Variants in DNAJC13 observed in about 807,000 individuals in gnomAD.
DNAJC13 encodes DnaJ heat shock protein family (Hsp40) member C13.
Under a neutral mutation model 290.5 loss-of-function variants are expected in DNAJC13, and 75 were observed. The ratio of observed to expected loss-of-function variants is 0.26; its 90% CI spans 0.21 to 0.31. The LOEUF is 0.31. DNAJC13 is among the 10% of genes least tolerant of loss of function. DNAJC13 has a pLI of 1.00. For synonymous variants in DNAJC13, 862 were observed against 892.0 expected (o/e 0.97, Z 0.60); for missense variants, 2,260 against 2,674.5 (o/e 0.85, Z 3.42).
rs1207775294 is a variant in DNAJC13 at position 132,480,441 on chromosome 3, C to T, written c.2845C>T (p.His949Tyr). 6.2e-7 allele frequency: 1 copy of T among 1,613,038 alleles called. No individual in the cohort carries two copies. Among genetic ancestry groups the T allele is most frequent in the Admixed American group, 1.7e-5 (1 of 59,978 alleles). ...GGACTTGCTTACCCTTGCACATCTC[C>T]ATGTAAGCCGAGCTACAGTACCACT... ...LVDLLTLAHL[H>Y]VSRATVPLQS... Residue 949 changes from histidine to tyrosine, a missense_variant, in exon 26 of 56, where the codon CAT becomes TAT. By Grantham distance (83) the His-to-Tyr change is moderately conservative. Around this residue, in one of 3 missense-constraint regions of DNAJC13, gnomAD observed 1,494 missense variants for 1,693.7 expected, o/e 0.88. Transcript: ENST00000260818.
intron 31 of DNAJC13, among the ~76,000 whole-genome samples, chr3:132,489,451 A>G (rs1934993957): frequency 6.6e-6 from 1 of 151,972 alleles, no homozygotes; most frequent in Admixed American, 6.6e-5. Context: ...TCCATGTTTC[A>G]TATGCTTTCA....
At chr3:132,429,671 A>G (rs565588836) in intron 1 of DNAJC13, among the ~76,000 whole-genome samples, 2 of 152,290 alleles carry the variant, frequency 1.3e-5, no homozygotes, top group African/African-American at 4.8e-5. Context: ...GAAAAGCATT[A>G]TCCTGATTTC....
chr3:132,526,624 TA>T (rs1228458533), intron 53 of DNAJC13, among the ~76,000 whole-genome samples: 3 of 152,222 alleles, frequency 2.0e-5, no homozygotes, highest in Admixed American at 2.0e-4. Context: ...GTAGCTTGTT[TA>T]GCTTGATTTG....
intron 20 of DNAJC13, among the ~76,000 whole-genome samples, chr3:132,467,771 T>C (rs1306388741): frequency 6.6e-6 from 1 of 152,180 alleles, no homozygotes; most frequent in Non-Finnish European, 1.5e-5. Context: ...GGCCGAATGG[T>C]ACCTAATTTC....
chr3:132,515,442 T>A (rs559774040), intron 46 of DNAJC13, among the ~76,000 whole-genome samples: 3 of 149,568 alleles, frequency 2.0e-5, no homozygotes, highest in Admixed American at 6.7e-5. Context: ...TCCATGGAAA[T>A]TTTTTTTTTT....
chr3:132,514,419 TA>T (rs952572253), intron 45 of DNAJC13, 151 bp from the exon 46 acceptor site: 2 of 568,742 alleles, frequency 3.5e-6, no homozygotes, highest in Non-Finnish European at 6.1e-6. Context: ...AAGAGATTAA[TA>T]AAGGCAATCT....
At position 132,456,529 on chromosome 3, in the gene DNAJC13, G is replaced by T. The variant is rs1933603854; in HGVS notation, c.1128G>T (p.Arg376Ser). The T allele has an allele frequency of 6.2e-6, 10 of 1,613,886 alleles. No homozygotes were observed. The highest frequency in any genetic ancestry group is 8.5e-6 in the Non-Finnish European group (10 of 1,179,916). Reference sequence around the variant, plus strand: ...GCAACTTTGCAGATGCTGTATTCAGGTTCAATGCTAATATTTCATACAGTG... The same window carrying T: ...GCAACTTTGCAGATGCTGTATTCAGTTTCAATGCTAATATTTCATACAGTG... ...PNGNFADAVF[R>S]FNANISYSGV... is the part of the protein sequence containing the mutation. Residue 376 changes from arginine (R) to serine (S), a missense_variant, in exon 11 of 56, where the codon AGG becomes AGT. Transcript: ENST00000260818.
chr3:132,491,396 G>T (rs772931223), intron 32 of DNAJC13, among the ~76,000 whole-genome samples: 7 of 152,074 alleles, frequency 4.6e-5, no homozygotes, highest in Non-Finnish European at 7.4e-5. Context: ...ACATACCTCT[G>T]GGTATCTGGA....
At chr3:132,501,285 GA>G (rs1935401483) in intron 39 of DNAJC13, among the ~76,000 whole-genome samples, 1 of 152,156 alleles carries the variant, frequency 6.6e-6, no homozygotes, top group Non-Finnish European at 1.5e-5. Context: ...CAGATCACTT[GA>G]GGTCAGGAGT....
intron 4 of DNAJC13, 70 bp from the exon 5 acceptor site, chr3:132,447,828 T>C: frequency 3.2e-6 from 4 of 1,235,994 alleles, no homozygotes; most frequent in Non-Finnish European, 4.7e-6. Context: ...TTGCTTTGAG[T>C]AGAAGGGAGT....
intron 15 of DNAJC13, 124 bp from the exon 16 acceptor site, chr3:132,462,343 C>T (rs1375881362): frequency 3.6e-6 from 3 of 827,096 alleles, no homozygotes; most frequent in Admixed American, 5.4e-5. Context: ...TGAGATGTAT[C>T]CTTTACTAAT....
chr3:132,473,970 C>T (rs1934374574), intron 21 of DNAJC13, among the ~76,000 whole-genome samples: 1 of 152,148 alleles, frequency 6.6e-6, no homozygotes, highest in South Asian at 2.1e-4. Flanking sequence ...GGATTGCAGA[C>T]TTGAAAGTAA....
chr3:132,433,942 T>G (rs905513058), intron 1 of DNAJC13, among the ~76,000 whole-genome samples: 2 of 152,090 alleles, frequency 1.3e-5, no homozygotes, highest in South Asian at 2.1e-4. Flanking sequence ...GACCGGGCGC[T>G]GTGGCTCACG....
chr3:132,458,278 A>T (rs1476923666), intron 13 of DNAJC13: 1 of 152,188 alleles, frequency 6.6e-6, no homozygotes, highest in East Asian at 1.9e-4. Flanking sequence ...ACTTTTCCTT[A>T]TATAAAGTGT....
intron 43 of DNAJC13, among the ~76,000 whole-genome samples, chr3:132,510,004 G>A (rs1935723647): frequency 1.3e-5 from 2 of 152,162 alleles, no homozygotes; most frequent in Middle Eastern, 3.2e-3. Context: ...CTGACAGCTT[G>A]TGAGCCTCTT....
intron 6 of DNAJC13, among the ~76,000 whole-genome samples, chr3:132,452,237 A>C (rs1374446135): frequency 6.6e-6 from 1 of 152,224 alleles, no homozygotes; most frequent in African/African-American, 2.4e-5. Context: ...ATTTTGTATT[A>C]CTTGGGGGCA....
chr3:132,506,541 C>CTTTTTTTTTTTTTTTGTTTTTTTTTT (rs1935597283), intron 42 of DNAJC13, among the ~76,000 whole-genome samples: 1 of 54,756 alleles, frequency 1.8e-5, no homozygotes. Context: ...CAGTGTATTA[C>CTTTTTTTTTTTTTTTGTTTTTTTTTT]TTTTTTTTTT....
Position 132,456,955 on chromosome 3 carries a change from A to T in DNAJC13, c.1349+123A>T, listed in dbSNP as rs1012041289. The T allele has an allele frequency of 4.5e-6, 5 of 1,099,202 alleles. No individual in the cohort carries two copies. The Admixed American group carries it at 1.1e-4, about 25-fold the overall frequency. The allele number at this position is 1,099,202 out of a possible 1,614,324, so 68.1% of individuals were successfully genotyped here. A position where few individuals can be genotyped will look rare whatever the true frequency, so the allele number is the denominator to read the frequency against. On this transcript the variant is annotated intron_variant, in intron 12 of 55. Coordinates refer to ENST00000260818, the MANE Select transcript of DNAJC13 (RefSeq NM_015268.4). ...GATACCTTTTATAGGGTGATATGGT[A>T]CTTTATTCATGAGAAATGAAAAAGG...
Position 132,522,677 on chromosome 3 carries a change from T to C in DNAJC13, c.5674-151T>C, listed in dbSNP as rs983779555. ...ACCTTTGCATAAACCGAGGATTATCTTTTTCACTCCAGAACTTTTAGGTAA... is the reference window on the plus strand; with the variant it reads ...ACCTTTGCATAAACCGAGGATTATCCTTTTCACTCCAGAACTTTTAGGTAA... On this transcript the variant is annotated intron_variant, in intron 48 of 55. Transcript: ENST00000260818. The C allele has an allele frequency of 1.9e-5, 12 of 619,458 alleles. No homozygotes were observed. The African/African-American group carries it at 2.3e-4, about 12-fold the overall frequency. 38.4% of individuals were successfully genotyped at this position (619,458 alleles called of 1,614,324 possible).
Sources: gnomAD v4.1 joint callset for allele counts (sites outside exome capture counted in the v4.1 genomes callset) on GRCh38, gnomAD v4.1.1 for gene constraint, gnomAD v4.1.1 regional missense constraint, MANE v1.5 for transcripts, NCBI Gene and HGNC (gene_info 2026-07-23, HGNC 2026-07-21) for gene names.